GRM3: variants seen among roughly 807,000 people sequenced by gnomAD.
GRM3 encodes the protein glutamate metabotropic receptor 3, also known as metabotropic glutamate receptor 3.
GRM3 carries 26 observed loss-of-function variants against 70.5 expected under a neutral mutation model. That is an observed-to-expected ratio of 0.37 (90% CI 0.27 to 0.51). The LOEUF (loss-of-function observed/expected upper bound fraction) is 0.51. GRM3 is among the 20% of genes least tolerant of loss of function. The pLI, the probability that GRM3 is intolerant of heterozygous loss-of-function variation, is 0.93. For synonymous variants in GRM3, 443 were observed against 434.9 expected (o/e 1.02, Z -0.23); for missense variants, 859 against 1,123.8 (o/e 0.76, Z 3.37).
chr7:86,688,888 T>G (rs1584166711), intron 1 of GRM3, among the ~76,000 whole-genome samples: 1 of 148,700 alleles, frequency 6.7e-6, no homozygotes, highest in Admixed American at 6.8e-5. Context: ...GTCTTAGATG[T>G]TCACAAAGGG....
intron 1 of GRM3, among the ~76,000 whole-genome samples, chr7:86,646,277 A>C (rs1029489091): frequency 7.2e-5 from 11 of 152,146 alleles, no homozygotes; most frequent in Non-Finnish European, 1.5e-4. Flanking sequence ...TTTGGAAGCT[A>C]TTGTATGCCA....
intron 1 of GRM3, among the ~76,000 whole-genome samples, chr7:86,651,462 A>G (rs1793604244): frequency 6.6e-6 from 1 of 152,230 alleles, no homozygotes; most frequent in Non-Finnish European, 1.5e-5. Context: ...AATATGTCAG[A>G]ATACATGCCA....
rs878942447 is a variant in GRM3, at chr7:86,839,999, C to A, written c.2391+94C>A. On this transcript the variant is annotated intron_variant, in intron 4 of 5. Transcript: ENST00000361669. The surrounding 1 kb of genome is among the most constrained non-coding windows in gnomAD (Gnocchi z 4.5). ...ATAGACTCCTTTTATTTCATCTCAA[C>A]GAGTTGGGTAATTTCAAATGCCATG... The A allele has an allele frequency of 7.0e-6, 5 of 717,194 alleles. No homozygotes were observed. Among genetic ancestry groups the A allele is most frequent in the African/African-American group, 3.6e-5 (2 of 56,320 alleles). 44.4% of individuals were successfully genotyped at this position (717,194 alleles called of 1,614,324 possible). A position where few individuals can be genotyped will look rare whatever the true frequency, so the allele number is the denominator to read the frequency against.
chr7:86,655,092 A>G (rs1039363089), intron 1 of GRM3, among the ~76,000 whole-genome samples: 11 of 152,218 alleles, frequency 7.2e-5, no homozygotes, highest in Non-Finnish European at 1.3e-4. Flanking sequence ...GCATTTTACA[A>G]TCAGGTCCCT....
chr7:86,673,247 A>G (rs1794217998), intron 1 of GRM3, among the ~76,000 whole-genome samples: 1 of 151,958 alleles, frequency 6.6e-6, no homozygotes, highest in Admixed American at 6.6e-5. Context: ...TTTCCTCTCT[A>G]CTCAACTGGC....
intron 1 of GRM3, among the ~76,000 whole-genome samples, chr7:86,740,764 C>A (rs1244382974): frequency 2.6e-5 from 4 of 152,176 alleles, no homozygotes; most frequent in Non-Finnish European, 5.9e-5. Context: ...GAAAGAGGCC[C>A]TTGGCAAGGA....
At chr7:86,747,909 C>T (rs1796142626) in intron 1 of GRM3, among the ~76,000 whole-genome samples, 2 of 152,018 alleles carry the variant, frequency 1.3e-5, no homozygotes, top group African/African-American at 4.8e-5. Flanking sequence ...GATTTCACAC[C>T]CCACTAAACA....
intron 3 of GRM3, among the ~76,000 whole-genome samples, chr7:86,797,922 A>G (rs527536785): frequency 6.6e-6 from 1 of 152,326 alleles, no homozygotes; most frequent in South Asian, 2.1e-4. Context: ...GGGCCAATGT[A>G]GAGCTCAGGC....
At chr7:86,817,776 G>A (rs1445484436) in intron 3 of GRM3, among the ~76,000 whole-genome samples, 1 of 151,932 alleles carries the variant, frequency 6.6e-6, no homozygotes, top group African/African-American at 2.4e-5. Context: ...AAAGGTTTCA[G>A]CTCTGCCTTC....
chr7:86,834,230 C>T (rs1375015140), intron 3 of GRM3, among the ~76,000 whole-genome samples: 1 of 152,166 alleles, frequency 6.6e-6, no homozygotes, highest in Non-Finnish European at 1.5e-5. Context: ...GCTAAGTCTA[C>T]TCTTCACTGG....
Position 86,839,528 on chromosome 7 carries a change from G to A in GRM3, c.2014G>A (p.Gly672Arg), listed in dbSNP as rs756806491. ...AAACTGCATTGCCCGCATCTTCGATGGGGTCAAGAATGGCGCTCAGAGGCC... is the reference window on the plus strand; with the variant it reads ...AAACTGCATTGCCCGCATCTTCGATAGGGTCAAGAATGGCGCTCAGAGGCC... ...KTNCIARIFD[G>R]VKNGAQRPKF... Residue 672 changes from glycine to arginine, a missense_variant, in exon 4 of 6, where the codon GGG becomes AGG. Coordinates refer to ENST00000361669, the MANE Select transcript of GRM3 (RefSeq NM_000840.3). This position sits in a 1 kb window ranked among gnomAD's most constrained non-coding sequence, Gnocchi z 4.5. 3.1e-6 allele frequency: 5 copies of A among 1,607,452 alleles called. No individual in the cohort carries two copies. In the Admixed American group the frequency reaches 8.4e-5, roughly 27 times the overall value.
intron 5 of GRM3, among the ~76,000 whole-genome samples, chr7:86,852,917 G>A (rs1798780240): frequency 6.6e-6 from 1 of 152,144 alleles, no homozygotes; most frequent in Non-Finnish European, 1.5e-5. Context: ...GTCAAGAGTT[G>A]AGCCTGATTT....
intron 3 of GRM3, among the ~76,000 whole-genome samples, chr7:86,797,988 C>A (rs76970578): frequency 0.038 from 5,820 of 152,268 alleles, 140 homozygotes; most frequent in East Asian, 0.066. Flanking sequence ...TGATGTTGGG[C>A]CTGCATGTGC....
intron 2 of GRM3, among the ~76,000 whole-genome samples, chr7:86,774,391 C>T (rs770048632): frequency 1.3e-5 from 2 of 152,170 alleles, no homozygotes; most frequent in East Asian, 3.9e-4. Flanking sequence ...AACAAACGAT[C>T]CTCCAGGAGG....
intron 1 of GRM3, among the ~76,000 whole-genome samples, chr7:86,697,352 C>A (rs925369368): frequency 1.3e-5 from 2 of 151,006 alleles, no homozygotes; most frequent in Non-Finnish European, 2.9e-5. Context: ...AAAAGACCAG[C>A]CTGATCCAAG....
In GRM3 at chr7:86,668,080, G is replaced by C. The variant is rs534477688; in HGVS notation, c.-141+23208G>C. ...TCCAGTTTATGGATATGAATTAAAAGTGATTTCATTAGATTCTTAACTCAG... is the reference window on the plus strand; with the variant it reads ...TCCAGTTTATGGATATGAATTAAAACTGATTTCATTAGATTCTTAACTCAG... On this transcript the variant is annotated intron_variant, in intron 1 of 5. Transcript: ENST00000361669. Among the ~76,000 whole-genome samples the C allele has an allele frequency of 7.2e-5, 11 of 152,232 alleles. No individual in the cohort carries two copies. In the South Asian group the frequency reaches 2.3e-3, roughly 32 times the overall value.
intron 2 of GRM3, among the ~76,000 whole-genome samples, chr7:86,782,079 GCTCT>G (rs1797080224): frequency 6.6e-6 from 1 of 152,050 alleles, no homozygotes; most frequent in African/African-American, 2.4e-5. Flanking sequence ...GTGTTTCCAT[GCTCT>G]CTGTTAGCAA....
intron 1 of GRM3, among the ~76,000 whole-genome samples, chr7:86,760,947 G>A (rs1796464899): frequency 6.6e-6 from 1 of 152,000 alleles, no homozygotes; most frequent in South Asian, 2.1e-4. Context: ...TATAACACAT[G>A]TAGTATGAAT....
chr7:86,666,416 G>A (rs1440150237), intron 1 of GRM3, among the ~76,000 whole-genome samples: 1 of 151,926 alleles, frequency 6.6e-6, no homozygotes, highest in Non-Finnish European at 1.5e-5. Context: ...AGGTAACATA[G>A]TCTTTTAGAA....
Sources: gnomAD v4.1 joint callset for allele counts (sites outside exome capture counted in the v4.1 genomes callset) on GRCh38, gnomAD v4.1.1 for gene constraint, Gnocchi (gnomAD v3.1) non-coding constraint, MANE v1.5 for transcripts, NCBI Gene and HGNC (gene_info 2026-07-23, HGNC 2026-07-21) for gene names.